The following SLIT2 variants were observed in gnomAD, a reference collection of about 807,000 sequenced individuals.
SLIT2 encodes the protein slit homolog 2 protein.
Under a neutral mutation model 185.7 loss-of-function variants are expected in SLIT2, and 41 were observed. The observed-to-expected ratio is 0.22, with a 90% CI of 0.17 to 0.29. The LOEUF is 0.29. Ranked by LOEUF, SLIT2 falls within the 10% of genes least tolerant of loss-of-function variation. SLIT2 has a pLI of 1.00. For synonymous variants in SLIT2, 693 were observed against 680.2 expected (o/e 1.02, Z -0.29); for missense variants, 1,571 against 1,909.0 (o/e 0.82, Z 3.30).
At chr4:20,422,178 G>A (rs987246511) in intron 4 of SLIT2, among the ~76,000 whole-genome samples, 4 of 152,184 alleles carry the variant, frequency 2.6e-5, no homozygotes, top group Non-Finnish European at 4.4e-5. Context: ...TGCAAATTGC[G>A]TGCATTGTCA....
intron 4 of SLIT2, among the ~76,000 whole-genome samples, chr4:20,281,844 C>G (rs973025538): frequency 7.9e-5 from 12 of 152,130 alleles, no homozygotes; most frequent in African/African-American, 2.4e-4. Flanking sequence ...ATGAGAATAA[C>G]GCTTGTAGCT....
intron 4 of SLIT2, among the ~76,000 whole-genome samples, chr4:20,412,605 A>G (rs1047910197): frequency 2.6e-5 from 4 of 152,220 alleles, no homozygotes; most frequent in African/African-American, 9.6e-5. Flanking sequence ...CAGATATCTG[A>G]GGCCTGATAA....
At chr4:20,362,830 G>C (rs2109298147) in intron 4 of SLIT2, among the ~76,000 whole-genome samples, 1 of 151,894 alleles carries the variant, frequency 6.6e-6, no homozygotes, top group Admixed American at 6.6e-5. Context: ...ATATATTTTA[G>C]CCTAATACTT....
At chr4:20,336,539 G>T (rs1560328913) in intron 4 of SLIT2, among the ~76,000 whole-genome samples, 1 of 152,160 alleles carries the variant, frequency 6.6e-6, no homozygotes, top group East Asian at 1.9e-4. Flanking sequence ...CATGGAGTTG[G>T]GGGAGGGGAG....
chr4:20,457,693 T>C (rs1353956664), intron 4 of SLIT2, among the ~76,000 whole-genome samples: 1 of 152,186 alleles, frequency 6.6e-6, no homozygotes, highest in Admixed American at 6.5e-5. Flanking sequence ...TTTTCCTTTC[T>C]GGATCTGAAC....
At chr4:20,530,500 CT>C (rs1302689054) in intron 16 of SLIT2, among the ~76,000 whole-genome samples, 2 of 152,054 alleles carry the variant, frequency 1.3e-5, no homozygotes, top group African/African-American at 4.8e-5. Flanking sequence ...CCAGGCTGGT[CT>C]TGAACTCCTG....
At chr4:20,299,764 A>G (rs1299164026) in intron 4 of SLIT2, among the ~76,000 whole-genome samples, 1 of 151,820 alleles carries the variant, frequency 6.6e-6, no homozygotes, top group Non-Finnish European at 1.5e-5. Context: ...ATTTCCTGGC[A>G]TTATTGCAGT....
At chr4:20,442,936 T>C (rs1257428057) in intron 4 of SLIT2, among the ~76,000 whole-genome samples, 1 of 152,226 alleles carries the variant, frequency 6.6e-6, no homozygotes, top group Non-Finnish European at 1.5e-5. Context: ...AAAATTTTGC[T>C]ATTTCATAGT....
At chr4:20,284,040 G>A (rs975594553) in intron 4 of SLIT2, among the ~76,000 whole-genome samples, 2 of 152,118 alleles carry the variant, frequency 1.3e-5, no homozygotes, top group Non-Finnish European at 2.9e-5. Context: ...AGATGTACAA[G>A]AAATACAGGT....
intron 5 of SLIT2, among the ~76,000 whole-genome samples, chr4:20,473,736 T>C (rs757905138): frequency 1.3e-5 from 2 of 151,976 alleles, no homozygotes; most frequent in Non-Finnish European, 2.9e-5. Flanking sequence ...GTTTTCTAGT[T>C]TTCACTGTCA....
At chr4:20,589,990 C>T (rs1358825594) in intron 30 of SLIT2, among the ~76,000 whole-genome samples, 1 of 149,038 alleles carries the variant, frequency 6.7e-6, no homozygotes, top group African/African-American at 2.5e-5. Flanking sequence ...ACTACAACCT[C>T]CTCCTCCCAG....
At chr4:20,482,546 G>A (rs965759031) in intron 6 of SLIT2, among the ~76,000 whole-genome samples, 4 of 151,712 alleles carry the variant, frequency 2.6e-5, no homozygotes, top group South Asian at 2.1e-4. Flanking sequence ...CATTTTGATC[G>A]TCATGATTAA....
chr4:20,458,692 A>G (rs1180849845), intron 4 of SLIT2, among the ~76,000 whole-genome samples: 1 of 152,196 alleles, frequency 6.6e-6, no homozygotes, highest in Non-Finnish European at 1.5e-5. Context: ...AAGAAGCAGG[A>G]TAGCAGTGCT....
intron 30 of SLIT2, among the ~76,000 whole-genome samples, chr4:20,593,147 A>G (rs1727647775): frequency 6.6e-6 from 1 of 152,174 alleles, no homozygotes; most frequent in African/African-American, 2.4e-5. Context: ...AAGCTTTTAT[A>G]GAATTATAAA....
Position 20,529,045 on chromosome 4 carries a change from C to T in SLIT2, c.1559C>T (p.Ser520Phe), listed in dbSNP as rs752296142. ...CRCEGTTVDCSNQKLNKIPEH... is the reference protein window; with the variant it reads ...CRCEGTTVDCFNQKLNKIPEH... ...TGTGAAGGAACCACAGTAGATTGCT[C>T]TAATCAAAAGCTCAACAAAATCCCG... The change falls in exon 16 of 37, where the codon TCT becomes TTT. Residue 520 changes from serine (S) to phenylalanine (F), a missense_variant. By Grantham distance (155) the Ser-to-Phe change is radical. Transcript: ENST00000504154. The T allele has an allele frequency of 6.2e-7, 1 of 1,613,934 alleles. No homozygotes were observed. Among genetic ancestry groups the T allele is most frequent in the Admixed American group, 1.7e-5 (1 of 60,000 alleles).
chr4:20,613,927 A>G (rs1305679176), intron 34 of SLIT2, among the ~76,000 whole-genome samples: 1 of 152,050 alleles, frequency 6.6e-6, no homozygotes, highest in Non-Finnish European at 1.5e-5. Context: ...GCTGGAGCGC[A>G]ATGGCACGAT....
intron 4 of SLIT2, among the ~76,000 whole-genome samples, chr4:20,463,206 C>T (rs1713916190): frequency 6.6e-6 from 1 of 151,748 alleles, no homozygotes; most frequent in African/African-American, 2.4e-5. Context: ...AAGCTGCCTC[C>T]CTCCTTCAAT....
intron 4 of SLIT2, among the ~76,000 whole-genome samples, chr4:20,399,208 G>A (rs1726164119): frequency 6.6e-6 from 1 of 151,198 alleles, no homozygotes; most frequent in African/African-American, 2.4e-5. Context: ...TGCTATGGCT[G>A]GATTATAAAA....
chr4:20,395,772 G>C (rs1160479055), intron 4 of SLIT2, among the ~76,000 whole-genome samples: 2 of 151,812 alleles, frequency 1.3e-5, no homozygotes, highest in Non-Finnish European at 1.5e-5. Flanking sequence ...AAATATGAAT[G>C]TTACAAGCTA....
Sources: gnomAD v4.1 joint callset for allele counts (sites outside exome capture counted in the v4.1 genomes callset) on GRCh38, gnomAD v4.1.1 for gene constraint, MANE v1.5 for transcripts, NCBI Gene and HGNC (gene_info 2026-07-23, HGNC 2026-07-21) for gene names.